EIF3L: variants seen among roughly 807,000 people sequenced by gnomAD.
EIF3L encodes eIEF associated protein HSPC021.
Under a neutral mutation model 74.6 loss-of-function variants are expected in EIF3L, and 32 were observed. The ratio of observed to expected loss-of-function variants is 0.43; its 90% CI spans 0.32 to 0.58. The LOEUF is 0.58. Among genes scored for constraint, EIF3L ranks in the 20% least tolerant of loss-of-function variants. The probability of loss-of-function intolerance (pLI) is 0.06; values close to 1 mark genes in which losing one functional copy is unlikely to be tolerated. For synonymous variants in EIF3L, 256 were observed against 254.4 expected, an observed-to-expected ratio of 1.01 and a Z score of -0.06; for missense variants, 474 against 707.8, an observed-to-expected ratio of 0.67 and a Z score of 3.75.
chr22:37,885,590 A>C (rs1335245499), intron 11 of EIF3L: 3 of 151,906 alleles, frequency 2.0e-5, no homozygotes. Context: ...TAAAAACAAA[A>C]CTTAAAGATT....
At chr22:37,859,506 TGAGTA>T (rs1925737197) in intron 5 of EIF3L, among the ~76,000 whole-genome samples, 1 of 149,946 alleles carries the variant, frequency 6.7e-6, no homozygotes, top group Non-Finnish European at 1.5e-5. Context: ...CTCAGCCTCC[TGAGTA>T]GCTGGGATTG....
chr22:37,854,033 A>T (rs1289885549), intron 3 of EIF3L, among the ~76,000 whole-genome samples: 1 of 152,258 alleles, frequency 6.6e-6, no homozygotes, highest in African/African-American at 2.4e-5. Context: ...GTGCCCGCAG[A>T]TACAGATGAC....
At chr22:37,855,510 G>T (rs1925453430) in intron 3 of EIF3L, 55 bp from the exon 4 acceptor site, 3 of 1,508,870 alleles carry the variant, frequency 2.0e-6, no homozygotes, top group Non-Finnish European at 1.8e-6. Flanking sequence ...AAAATGTTAG[G>T]ATTGGCATTC....
chr22:37,861,943 T>C (rs1371025099), intron 5 of EIF3L, among the ~76,000 whole-genome samples: 3 of 152,202 alleles, frequency 2.0e-5, no homozygotes, highest in Admixed American at 1.3e-4. Flanking sequence ...TTTTAAGCCC[T>C]TGGGAAGCAG....
chr22:37,851,416 G>A lies in EIF3L; in HGVS notation c.219G>A (p.Glu73=). The change falls in exon 3 of 13, where the codon GAG becomes GAA. Residue 73 remains glutamate, a synonymous_variant. Transcript: ENST00000652021. ...ATTTGATTGACCAGAAAGTGTATGA[G>A]CTACAGGCCAGTCGTGTCTCCAGTG... ...VSDLIDQKVY[E]LQASRVSSDV... is the part of the protein sequence containing the mutation. 3 of 1,614,124 alleles carry A rather than the reference G, an allele frequency of 1.9e-6. No individual in the cohort carries two copies. The highest frequency in any genetic ancestry group is 2.5e-6 in the Non-Finnish European group (3 of 1,180,038).
intron 8 of EIF3L, 45 bp downstream of exon 8, chr22:37,870,392 G>C: frequency 6.5e-7 from 1 of 1,540,956 alleles, no homozygotes; most frequent in East Asian, 2.3e-5. Flanking sequence ...ATTTCCAGCT[G>C]CTTGCCATCT....
At chr22:37,862,579 A>G (rs1280693020) in intron 5 of EIF3L, among the ~76,000 whole-genome samples, 3 of 152,194 alleles carry the variant, frequency 2.0e-5, no homozygotes, top group Admixed American at 2.0e-4. Flanking sequence ...AGACTGCAAC[A>G]TTCCTGGCCC....
chr22:37,868,094 G>A (rs918199724), intron 7 of EIF3L, among the ~76,000 whole-genome samples: 12 of 148,168 alleles, frequency 8.1e-5, no homozygotes, highest in Non-Finnish European at 1.6e-4. Context: ...ATTGCATTAC[G>A]AGAATTCTTT....
In EIF3L at chr22:37,868,634, C is replaced by CTTTTTTTTTTTTTTTT. The variant is rs71195065; in HGVS notation, c.580-1532_580-1517dup. 2.0e-4 allele frequency among the ~76,000 whole-genome samples: 5 copies of CTTTTTTTTTTTTTTTT among 25,132 alleles called. 1 individual carries two copies. Among genetic ancestry groups the CTTTTTTTTTTTTTTTT allele is most frequent in the Admixed American group, 4.8e-4 (1 of 2,074 alleles). 16.5% of individuals were successfully genotyped at this position (25,132 alleles called of 152,430 possible). A position where few individuals can be genotyped will look rare whatever the true frequency, so the allele number is the denominator to read the frequency against. ...ACACCTGGCTATTTTTGTTTTGGTG[C>CTTTTTTTTTTTTTTTT]TTTTTTTTTTTTTTTTTTTTTTTTT... On this transcript the variant is annotated intron_variant, in intron 7 of 12. Transcript: ENST00000652021.
intron 4 of EIF3L, among the ~76,000 whole-genome samples, chr22:37,857,369 CAAAAAAAAAAAA>C (rs375301957): frequency 3.4e-5 from 2 of 58,250 alleles, no homozygotes; most frequent in Admixed American, 5.3e-4. Context: ...GACTGCGTCC[CAAAAAAAAAAAA>C]AAAAAAAAAA....
chr22:37,855,622 C>A lies in EIF3L; in HGVS notation c.351C>A (p.Ala117=), dbSNP rs11551384. ...ATACACCTTGGCCCGAGGCTGAAGC[C>A]ATTGCTCCACAGGTTGGCAATGGTA... ...FKNTPWPEAE[A]IAPQVGNDAV... The change falls in exon 4 of 13, where the codon GCC becomes GCA. Residue 117 remains alanine, a synonymous_variant. Coordinates refer to ENST00000652021, the MANE Select transcript of EIF3L (RefSeq NM_016091.4). The A allele has an allele frequency of 1.2e-6, 2 of 1,614,020 alleles. No homozygotes were observed. The highest frequency in any genetic ancestry group is 1.7e-6 in the Non-Finnish European group (2 of 1,179,962).
chr22:37,888,221 G>T, intron 12 of EIF3L: 1 of 545,518 alleles, frequency 1.8e-6, no homozygotes, highest in East Asian at 3.0e-5. Context: ...TGAGTGTGAA[G>T]GGCAGATAAA....
chr22:37,875,738 G>C (rs1382028863), intron 9 of EIF3L, 103 bp from the exon 10 acceptor site: 1 of 1,087,254 alleles, frequency 9.2e-7, no homozygotes, highest in East Asian at 2.6e-5. Context: ...GCTTCCTCTG[G>C]ATAGTTGAGG....
At chr22:37,863,162 G>A in intron 6 of EIF3L, 110 bp from the exon 7 acceptor site, 2 of 1,173,528 alleles carry the variant, frequency 1.7e-6, no homozygotes, top group Non-Finnish European at 2.5e-6. Flanking sequence ...AAGAGGGGAG[G>A]TCTTGTGATT....
At chr22:37,851,190 T>G in intron 2 of EIF3L, 90 bp from the exon 3 acceptor site, 23 of 1,045,692 alleles carry the variant, frequency 2.2e-5, no homozygotes, top group Non-Finnish European at 3.1e-5. Context: ...TACGCAGACC[T>G]GAGTTTAGTT....
At chr22:37,869,276 C>T (rs1234871785) in intron 7 of EIF3L, among the ~76,000 whole-genome samples, 1 of 152,160 alleles carries the variant, frequency 6.6e-6, no homozygotes, top group African/African-American at 2.4e-5. Context: ...CTGCAGGTGC[C>T]TGCCACCATT....
chr22:37,883,318 A>AC (rs1332603738), intron 11 of EIF3L: 2 of 154,688 alleles, frequency 1.3e-5, no homozygotes, highest in Admixed American at 6.7e-5. Context: ...AAAAAAAAAA[A>AC]CTTGCATGAT....
intron 2 of EIF3L, chr22:37,850,476 A>G (rs993310777): frequency 2.8e-5 from 6 of 217,506 alleles, no homozygotes; most frequent in African/African-American, 1.2e-4. Flanking sequence ...AGCTGGGATT[A>G]CAGGCGCCCA....
At chr22:37,872,209 C>T (rs572192475) in intron 8 of EIF3L, among the ~76,000 whole-genome samples, 18 of 152,122 alleles carry the variant, frequency 1.2e-4, no homozygotes, top group African/African-American at 3.6e-4. Context: ...CCTCTGCCTC[C>T]GGGGTTCAAG....
Sources: allele counts gnomAD v4.1 joint callset (sites outside exome capture counted in the v4.1 genomes callset), GRCh38; gene constraint gnomAD v4.1.1; transcripts MANE v1.5; gene names NCBI Gene and HGNC (gene_info 2026-07-23, HGNC 2026-07-21).